The following SLC24A2 variants were observed in gnomAD, a reference collection of about 807,000 sequenced individuals.
SLC24A2 encodes solute carrier family 24 member 2, also known as sodium/potassium/calcium exchanger 2.
Under a neutral mutation model 62.0 loss-of-function variants are expected in SLC24A2, and 36 were observed. The ratio of observed to expected loss-of-function variants is 0.58; its 90% CI spans 0.44 to 0.77. SLC24A2 has a LOEUF of 0.77. Ranked by LOEUF, SLC24A2 falls within the 30% of genes least tolerant of loss-of-function variation. The pLI is 0.00. For missense variants in SLC24A2, 846 were observed against 817.9 expected (o/e 1.03, Z -0.42); for synonymous variants, 358 against 294.0 (o/e 1.22, Z -2.23).
At chr9:19,930,068 CAA>C in the SLC24A2 span, 1 of 151,996 alleles carries the variant, frequency 6.6e-6, no homozygotes, top group Admixed American at 6.5e-5. Context: ...TTTATAGTAA[CAA>C]AGGTTAATTT....
At chr9:19,647,214 C>T (rs945480527) in intron 2 of SLC24A2, among the ~76,000 whole-genome samples, 1 of 145,834 alleles carries the variant, frequency 6.9e-6, no homozygotes, top group African/African-American at 2.5e-5. Context: ...GACAAGGAGT[C>T]TCAGACATCT....
chr9:20,129,197 C>A, the SLC24A2 span, among the ~76,000 whole-genome samples: 1 of 152,072 alleles, frequency 6.6e-6, no homozygotes, highest in Admixed American at 6.6e-5. Context: ...AAAATATGCT[C>A]AGTATCATTA....
At chr9:20,274,928 C>A in the SLC24A2 span, among the ~76,000 whole-genome samples, 25 of 152,120 alleles carry the variant, frequency 1.6e-4, no homozygotes, top group African/African-American at 4.6e-4. Flanking sequence ...GAAGAGGTGA[C>A]CCTTAGTGGC....
the SLC24A2 span, among the ~76,000 whole-genome samples, chr9:20,291,510 G>A: frequency 6.6e-6 from 1 of 152,158 alleles, no homozygotes; most frequent in African/African-American, 2.4e-5. Context: ...CTCCACACAA[G>A]AAGGATGCTA....
At chr9:19,581,070 C>A (rs1427634626) in intron 5 of SLC24A2, among the ~76,000 whole-genome samples, 2 of 152,140 alleles carry the variant, frequency 1.3e-5, no homozygotes, top group Non-Finnish European at 2.9e-5. Context: ...GTGATGTAGT[C>A]CTGAGTTGCT....
At chr9:20,184,716 G>A in the SLC24A2 span, among the ~76,000 whole-genome samples, 2 of 152,044 alleles carry the variant, frequency 1.3e-5, no homozygotes, top group African/African-American at 4.8e-5. Context: ...ATCAAAAATA[G>A]AACTACCATA....
the SLC24A2 span, among the ~76,000 whole-genome samples, chr9:19,998,354 C>T: frequency 6.6e-6 from 1 of 152,176 alleles, no homozygotes; most frequent in African/African-American, 2.4e-5. Context: ...CTTCTGGCAG[C>T]AGTACTTCCT....
At chr9:20,058,658 G>A in the SLC24A2 span, among the ~76,000 whole-genome samples, 1 of 152,188 alleles carries the variant, frequency 6.6e-6, no homozygotes, top group African/African-American at 2.4e-5. Context: ...ACTCACGTCT[G>A]TAATCTTAGC....
At position 19,788,835 on chromosome 9, in the gene SLC24A2, A is replaced by G. The variant is rs77694594; in HGVS notation, c.-154+50T>C. 4.1e-6 allele frequency: 4 copies of G among 985,250 alleles called. No individual in the cohort carries two copies. In the African/African-American group the frequency reaches 7.0e-5, roughly 17 times the overall value. 61.0% of individuals were successfully genotyped at this position (985,250 alleles called of 1,614,324 possible). A position where few individuals can be genotyped will look rare whatever the true frequency, so the allele number is the denominator to read the frequency against. ...TGCGCGCAACCGGGATGCGGGGACG[A>G]CCGCCACAGCGGCTACAGCGGCAGG... On this transcript the variant is annotated intron_variant, in intron 1 of 10. Transcript: ENST00000341998.
At chr9:20,031,367 A>G in the SLC24A2 span, among the ~76,000 whole-genome samples, 1 of 146,050 alleles carries the variant, frequency 6.8e-6, no homozygotes, top group East Asian at 2.0e-4. Flanking sequence ...ATATATATAT[A>G]TATATATAAT....
the SLC24A2 span, among the ~76,000 whole-genome samples, chr9:20,226,847 C>T: frequency 6.6e-6 from 1 of 152,218 alleles, no homozygotes; most frequent in African/African-American, 2.4e-5. Flanking sequence ...GGAAACCTGA[C>T]TGTTTGCAAA....
chr9:19,825,345 G>A, the SLC24A2 span, among the ~76,000 whole-genome samples: 2 of 152,078 alleles, frequency 1.3e-5, no homozygotes, highest in African/African-American at 4.8e-5. Context: ...TTTAGTAAGT[G>A]CTCACTAAGT....
the SLC24A2 span, among the ~76,000 whole-genome samples, chr9:20,136,456 A>G: frequency 6.6e-6 from 1 of 152,182 alleles, no homozygotes; most frequent in Non-Finnish European, 1.5e-5. Flanking sequence ...AAATCATTCC[A>G]CACTTAACAC....
chr9:19,670,606 AGAT>A (rs1311327264), intron 2 of SLC24A2, among the ~76,000 whole-genome samples: 2 of 152,312 alleles, frequency 1.3e-5, no homozygotes, highest in East Asian at 3.9e-4. Context: ...AGATACAGAG[AGAT>A]TACATTATTT....
chr9:19,917,335 T>G, the SLC24A2 span, among the ~76,000 whole-genome samples: 1 of 146,708 alleles, frequency 6.8e-6, no homozygotes, highest in Non-Finnish European at 1.5e-5. Flanking sequence ...GAACTGATCT[T>G]GAGTTTTCTT....
the SLC24A2 span, among the ~76,000 whole-genome samples, chr9:20,172,031 G>A: frequency 3.9e-5 from 6 of 151,994 alleles, no homozygotes; most frequent in African/African-American, 1.4e-4. Flanking sequence ...GACCACAGTG[G>A]AATAAACCTG....
chr9:19,729,985 A>T (rs1285936974), intron 2 of SLC24A2, among the ~76,000 whole-genome samples: 1 of 152,188 alleles, frequency 6.6e-6, no homozygotes, highest in Non-Finnish European at 1.5e-5. Flanking sequence ...TACCCTATGA[A>T]TATGTACCAT....
At chr9:19,998,653 C>T in the SLC24A2 span, among the ~76,000 whole-genome samples, 1 of 152,224 alleles carries the variant, frequency 6.6e-6, no homozygotes, top group East Asian at 1.9e-4. Flanking sequence ...CATGGGTGTG[C>T]TTTCAGCATC....
the SLC24A2 span, among the ~76,000 whole-genome samples, chr9:20,196,509 G>C: frequency 6.6e-6 from 1 of 152,132 alleles, no homozygotes; most frequent in Admixed American, 6.5e-5. Context: ...TTAAAATCGG[G>C]ATTTAGGACT....
Sources: allele counts gnomAD v4.1 joint callset (sites outside exome capture counted in the v4.1 genomes callset), GRCh38; gene constraint gnomAD v4.1.1; transcripts MANE v1.5; gene names NCBI Gene and HGNC (gene_info 2026-07-23, HGNC 2026-07-21).